Variants in ITGAD observed in about 807,000 individuals in gnomAD.
The protein encoded by ITGAD is integrin alpha-D.
ITGAD carries 105 observed loss-of-function variants against 139.0 expected under a neutral mutation model. The ratio of observed to expected loss-of-function variants is 0.76; its 90% CI spans 0.65 to 0.89. The LOEUF (loss-of-function observed/expected upper bound fraction) is 0.89, where lower values mean the gene tolerates loss of function less well. Ranked by LOEUF, ITGAD falls within the 40% of genes least tolerant of loss-of-function variation. ITGAD has a pLI of 0.00. For synonymous variants in ITGAD, 569 were observed against 598.3 expected, an observed-to-expected ratio of 0.95 and a Z score of 0.71; for missense variants, 1,384 against 1,487.3, an observed-to-expected ratio of 0.93 and a Z score of 1.14.
Position 31,425,488 on chromosome 16 carries a change from C to T in ITGAD, c.3373-527C>T, listed in dbSNP as rs903138007. 3.3e-5 allele frequency among the ~76,000 whole-genome samples: 5 copies of T among 152,138 alleles called. No homozygotes were observed. In the East Asian group the frequency reaches 5.8e-4, roughly 18 times the overall value. On this transcript the variant is annotated intron_variant, in intron 29 of 29. Transcript: ENST00000389202. The stretch of plus-strand genomic sequence containing the variant: ...GGATCTATGCTGTCCTGCCACGGGT[C>T]GTGTGTGTACCTACTGTGCTCGGGG...
Position 31,403,748 on chromosome 16 carries a change from A to G in ITGAD, c.704+103A>G. The G allele has an allele frequency of 6.9e-7, 1 of 1,457,128 alleles. No homozygotes were observed. Among genetic ancestry groups the G allele is most frequent in the Non-Finnish European group, 9.4e-7 (1 of 1,062,694 alleles). The allele number at this position is 1,457,128 out of a possible 1,614,324, so 90.3% of individuals were successfully genotyped here. ...AGAGGCTGAGGGAGGCTCCAGGGAA[A>G]GGGGCTACCAAGGGGCATGTCGGGG... On this transcript the variant is annotated intron_variant, in intron 7 of 29. Transcript: ENST00000389202. The surrounding 1 kb of genome is among the most constrained non-coding windows in gnomAD (Gnocchi z 4.4).
At chr16:31,425,775 C>T (rs112765934) in intron 29 of ITGAD, among the ~76,000 whole-genome samples, 3,352 of 151,852 alleles carry the variant, frequency 0.022, 131 homozygotes, top group African/African-American at 0.077. Context: ...CTCTGCCTCC[C>T]GGGTTCAAGC....
chr16:31,398,493 T>G (rs1324439119), intron 5 of ITGAD, among the ~76,000 whole-genome samples: 1 of 141,388 alleles, frequency 7.1e-6, no homozygotes, highest in Non-Finnish European at 1.5e-5. Flanking sequence ...ACCCTGCTAA[T>G]TTTTTTGAGA....
At chr16:31,415,704 G>A (rs1009708427) in intron 18 of ITGAD, among the ~76,000 whole-genome samples, 3 of 151,966 alleles carry the variant, frequency 2.0e-5, no homozygotes, top group East Asian at 1.9e-4. Context: ...GTTTTCCCCC[G>A]AAGCTCCAGC....
intron 18 of ITGAD, 83 bp downstream of exon 18, chr16:31,415,074 A>G: frequency 4.0e-6 from 6 of 1,503,476 alleles, no homozygotes; most frequent in South Asian, 1.2e-5. Flanking sequence ...GCTCCCCAAC[A>G]CCCAACCACA....
In ITGAD at chr16:31,410,753, G is replaced by C. The variant is rs769753610; in HGVS notation, c.1231G>C (p.Ala411Pro). 2 of 1,612,666 alleles carry C rather than the reference G, an allele frequency of 1.2e-6. No homozygotes were observed. Among genetic ancestry groups the C allele is most frequent in the Non-Finnish European group, 1.7e-6 (2 of 1,179,660 alleles). ...DSYLGYSTEL[A>P]LWKGVQNLVL... ...CCCCTCAGGTTACTCCACCGAGCTA[G>C]CCCTGTGGAAGGGGGTACAGAACCT... is the stretch of plus-strand genomic sequence containing the variant. The change falls in exon 12 of 30, where the codon GCC becomes CCC. Residue 411 changes from alanine (A) to proline (P), a missense_variant. By Grantham distance (27) the Ala-to-Pro change is conservative. Coordinates refer to ENST00000389202, the MANE Select transcript of ITGAD (RefSeq NM_005353.3).
chr16:31,412,944 C>A lies in ITGAD; in HGVS notation c.1814C>A (p.Ala605Asp), dbSNP rs2081770895. The change falls in exon 15 of 30, where the codon GCC becomes GAC. Residue 605 changes from alanine (A) to aspartate (D), a missense_variant. Coordinates refer to ENST00000389202, the MANE Select transcript of ITGAD (RefSeq NM_005353.3). ...QDGLMDLAVG[A>D]RGQVLLLRSL... ...GGACTGATGGACCTGGCCGTGGGGG[C>A]CCGGGGCCAGGTGCTCCTGCTCAGG... 1 of 1,609,828 alleles carries A rather than the reference C, an allele frequency of 6.2e-7. No individual in the cohort carries two copies. The highest frequency in any genetic ancestry group is 8.5e-7 in the Non-Finnish European group (1 of 1,177,970).
Position 31,397,075 on chromosome 16 carries a change from T to G in ITGAD, c.138-284T>G, listed in dbSNP as rs1597103264. Among the ~76,000 whole-genome samples, 9 of 76,426 alleles carry G rather than the reference T, an allele frequency of 1.2e-4. 1 individual carries two copies. The South Asian group carries it at 2.8e-3, about 23-fold the overall frequency. 50.1% of individuals were successfully genotyped at this position (76,426 alleles called of 152,430 possible). A position where few individuals can be genotyped will look rare whatever the true frequency, so the allele number is the denominator to read the frequency against. Reference sequence around the variant, plus strand: ...GTCTTTAAATAGGTTTTTTTTTTTTTTTTTTTTTTTTTTTTTGGTGAATGT... The same window carrying G: ...GTCTTTAAATAGGTTTTTTTTTTTTGTTTTTTTTTTTTTTTTGGTGAATGT... On this transcript the variant is annotated intron_variant, in intron 2 of 29. Coordinates refer to ENST00000389202, the MANE Select transcript of ITGAD (RefSeq NM_005353.3).
chr16:31,424,382 A>C (rs2082070039), intron 28 of ITGAD, 85 bp from the exon 29 acceptor site: 1 of 1,302,134 alleles, frequency 7.7e-7, no homozygotes, highest in Non-Finnish European at 1.1e-6. Context: ...GAGCCTCAGA[A>C]AGGAGGGGAG....
At chr16:31,405,341 G>A (rs1241688498) in intron 7 of ITGAD, among the ~76,000 whole-genome samples, 1 of 151,992 alleles carries the variant, frequency 6.6e-6, no homozygotes, top group Non-Finnish European at 1.5e-5. Context: ...TTAAAAAGAA[G>A]TTTTATTACA....
In ITGAD at chr16:31,405,640, CTTTTTTTT is replaced by C. The variant is rs569550173; in HGVS notation, c.705-1861_705-1854del. 2.9e-4 allele frequency among the ~76,000 whole-genome samples: 30 copies of C among 103,992 alleles called. 1 individual carries two copies. In the East Asian group the frequency reaches 4.8e-3, roughly 16 times the overall value. The allele number at this position is 103,992 out of a possible 152,430, so 68.2% of individuals were successfully genotyped here. A position where few individuals can be genotyped will look rare whatever the true frequency, so the allele number is the denominator to read the frequency against. On this transcript the variant is annotated intron_variant, in intron 7 of 29. Coordinates refer to ENST00000389202, the MANE Select transcript of ITGAD (RefSeq NM_005353.3). ...TCTAGGTCCACAATTTTTTGTTTTC[CTTTTTTTT>C]TTTTTTTTTTTTTGAGACAGGTCTC...
At chr16:31,425,870 G>A (rs974745458) in intron 29 of ITGAD, 145 bp from the exon 30 acceptor site, 8 of 549,774 alleles carry the variant, frequency 1.5e-5, no homozygotes, top group East Asian at 9.9e-5. Flanking sequence ...TAGTAGAGAC[G>A]GGGTTTCACC....
intron 5 of ITGAD, among the ~76,000 whole-genome samples, chr16:31,401,462 A>C (rs1392994036): frequency 6.6e-6 from 1 of 152,154 alleles, no homozygotes; most frequent in Non-Finnish European, 1.5e-5. Context: ...GTAGCTGGAA[A>C]TAAGGACCTC....
In ITGAD at chr16:31,402,247, T is replaced by A; in HGVS notation, c.558+2T>A. On this transcript the variant is annotated splice_donor_variant, in intron 6 of 29. Coordinates refer to ENST00000389202, the MANE Select transcript of ITGAD (RefSeq NM_005353.3). LOFTEE classifies it high-confidence loss of function. ...CAGTTTGAGGGCACTGACACCCTGG[T>A]GAAGACTGGGCACCTGGGGCTGGGG... is the stretch of plus-strand genomic sequence containing the variant. 1 of 1,540,136 alleles carries A rather than the reference T, an allele frequency of 6.5e-7. No homozygotes were observed. The highest frequency in any genetic ancestry group is 8.8e-7 in the Non-Finnish European group (1 of 1,140,424).
Position 31,424,526 on chromosome 16 carries a change from C to G in ITGAD, c.3321C>G (p.Ser1107Arg). The stretch of plus-strand genomic sequence containing the variant: ...ATGCCATTCCCATCATCATGGGCAG[C>G]TCTGTGGGGGCTCTGCTACTGCTGG... ...VYNAIPIIMG[S>R]SVGALLLLAL... Residue 1107 changes from serine to arginine, a missense_variant, in exon 29 of 30, where the codon AGC (serine) becomes AGG (arginine). Physicochemically the swap from Ser to Arg is moderately radical, Grantham distance 110. Coordinates refer to ENST00000389202, the MANE Select transcript of ITGAD (RefSeq NM_005353.3). 1.9e-6 allele frequency: 3 copies of G among 1,613,946 alleles called. No individual in the cohort carries two copies. In the South Asian group the frequency reaches 3.3e-5, roughly 18 times the overall value.
At chr16:31,406,924 G>A (rs1257659560) in intron 7 of ITGAD, among the ~76,000 whole-genome samples, 1 of 152,200 alleles carries the variant, frequency 6.6e-6, no homozygotes, top group East Asian at 1.9e-4. Context: ...CATGCCCAAA[G>A]TGTGTCTGAC....
intron 16 of ITGAD, among the ~76,000 whole-genome samples, chr16:31,413,907 C>T (rs1157566081): frequency 1.3e-5 from 2 of 152,222 alleles, no homozygotes; most frequent in African/African-American, 2.4e-5. Flanking sequence ...CAAGCATGCT[C>T]TCCTTAGAAC....
In ITGAD at chr16:31,408,017, G is replaced by C. The variant is rs1186178857; in HGVS notation, c.1009+101G>C. 3 of 1,314,318 alleles carry C rather than the reference G, an allele frequency of 2.3e-6. No individual in the cohort carries two copies. The African/African-American group carries it at 4.4e-5, about 19-fold the overall frequency. 81.4% of individuals were successfully genotyped at this position (1,314,318 alleles called of 1,614,324 possible). On this transcript the variant is annotated intron_variant, in intron 9 of 29. Coordinates refer to ENST00000389202, the MANE Select transcript of ITGAD (RefSeq NM_005353.3). ...AGATGGAGTCTCACTTTGTCCCCAGGCTGGAGTGTAGTGGCACGATCTCGG... is the reference window on the plus strand; with the variant it reads ...AGATGGAGTCTCACTTTGTCCCCAGCCTGGAGTGTAGTGGCACGATCTCGG...
intron 17 of ITGAD, 39 bp downstream of exon 17, chr16:31,414,644 A>C (rs749326373): frequency 6.8e-5 from 110 of 1,610,016 alleles, no homozygotes; most frequent in Non-Finnish European, 5.9e-6. Context: ...AGAGAGGAGG[A>C]GCCCAAGGCT....
Sources: gnomAD v4.1 joint callset for allele counts (sites outside exome capture counted in the v4.1 genomes callset) on GRCh38, gnomAD v4.1.1 for gene constraint, Gnocchi (gnomAD v3.1) non-coding constraint, MANE v1.5 for transcripts, NCBI Gene and HGNC (gene_info 2026-07-23, HGNC 2026-07-21) for gene names.